Variants in IL6 observed in about 807,000 individuals in gnomAD.
The protein encoded by IL6 is interleukin 6.
In IL6, 5 loss-of-function variants were observed where a neutral mutation model predicts 18.0. That is an observed-to-expected ratio of 0.28 (90% CI 0.15 to 0.58). The LOEUF is 0.58. Among genes scored for constraint, IL6 ranks in the 20% least tolerant of loss-of-function variants. The pLI is 0.90. For synonymous variants in IL6, 97 were observed against 95.1 expected (o/e 1.02, Z -0.12); for missense variants, 266 against 251.0 (o/e 1.06, Z -0.40).
intron 4 of IL6, 109 bp downstream of exon 4, chr7:22,729,769 G>A (rs758370297): frequency 4.6e-5 from 72 of 1,581,508 alleles, no homozygotes; most frequent in Admixed American, 4.3e-4. Flanking sequence ...AAGGCTACAC[G>A]TAAACAAAAG....
chr7:22,727,205 G>A lies in IL6; in HGVS notation c.-58G>A. 1.3e-6 allele frequency: 2 copies of A among 1,597,986 alleles called. No individual in the cohort carries two copies. The highest frequency in any genetic ancestry group is 8.6e-7 in the Non-Finnish European group (1 of 1,167,406). The stretch of plus-strand genomic sequence containing the variant: ...ACTGGAGATGTCTGAGGCTCATTCT[G>A]CCCTCGAGCCCACCGGGAACGAAAG... On this transcript the variant is annotated 5_prime_UTR_variant, in exon 1 of 5. Coordinates refer to ENST00000258743, the MANE Select transcript of IL6 (RefSeq NM_000600.5).
chr7:22,729,332 G>C (rs530023485), intron 3 of IL6, among the ~76,000 whole-genome samples, 182 bp from the exon 4 acceptor site: 1 of 152,328 alleles, frequency 6.6e-6, no homozygotes, highest in African/African-American at 2.4e-5. Context: ...ATTACATGGG[G>C]CCTCTGATTG....
At position 22,727,620 on chromosome 7, in the gene IL6, G is replaced by A. The variant is rs1411480130; in HGVS notation, c.196G>A (p.Ala66Thr). Residue 66 changes from alanine to threonine, a missense_variant, in exon 2 of 5, where the codon GCC (alanine) becomes ACC (threonine). By Grantham distance (58) the Ala-to-Thr change is moderately conservative. Coordinates refer to ENST00000258743, the MANE Select transcript of IL6 (RefSeq NM_000600.5). ...QIRYILDGIS[A>T]LRKETCNKSN... ...TCGGTACATCCTCGACGGCATCTCAGCCCTGAGAAAGGAGGTGGGTAGGCT... is the reference window on the plus strand; with the variant it reads ...TCGGTACATCCTCGACGGCATCTCAACCCTGAGAAAGGAGGTGGGTAGGCT... 2 of 1,549,088 alleles carry A rather than the reference G, an allele frequency of 1.3e-6. No homozygotes were observed. Among genetic ancestry groups the A allele is most frequent in the African/African-American group, 1.4e-5 (1 of 72,850 alleles).
intron 4 of IL6, 44 bp downstream of exon 4, chr7:22,729,704 G>A: frequency 6.2e-7 from 1 of 1,613,896 alleles, no homozygotes; most frequent in Non-Finnish European, 8.5e-7. Context: ...GGGGAAGACA[G>A]GCTCAAAGAC....
At position 22,730,016 on chromosome 7, in the gene IL6, C is replaced by T. The variant is rs912773656; in HGVS notation, c.471+356C>T. On this transcript the variant is annotated intron_variant, in intron 4 of 4. Transcript: ENST00000258743. Reference sequence around the variant, plus strand: ...CCACAGAAACAAAGACCAAGGAGCACAAAATGATTTTAAGATTTTAGTCAT... The same window carrying T: ...CCACAGAAACAAAGACCAAGGAGCATAAAATGATTTTAAGATTTTAGTCAT... 3.0e-6 allele frequency: 3 copies of T among 985,248 alleles called. No homozygotes were observed. The Admixed American group carries it at 1.8e-4, about 61-fold the overall frequency. The allele number at this position is 985,248 out of a possible 1,614,324, so 61.0% of individuals were successfully genotyped here.
chr7:22,729,778 A>G (rs1218922558), intron 4 of IL6, 118 bp downstream of exon 4: 6 of 1,566,720 alleles, frequency 3.8e-6, no homozygotes, highest in Admixed American at 1.9e-5. Flanking sequence ...CGTAAACAAA[A>G]GAGTCTGAGA....
At chr7:22,729,690 T>C (rs1784088383) in intron 4 of IL6, 30 bp downstream of exon 4, 2 of 1,613,992 alleles carry the variant, frequency 1.2e-6, no homozygotes, top group Non-Finnish European at 1.7e-6. Flanking sequence ...CTCAACTTGG[T>C]GTGGGGGAAG....
chr7:22,729,418 G>A, intron 3 of IL6, 96 bp from the exon 4 acceptor site: 1 of 1,172,736 alleles, frequency 8.5e-7, no homozygotes, highest in Non-Finnish European at 1.2e-6. Flanking sequence ...CTCTAGAGGA[G>A]CAGAGGGAAA....
At position 22,731,493 on chromosome 7, in the gene IL6, C is replaced by G; in HGVS notation, c.559C>G (p.Gln187Glu). Residue 187 changes from glutamine to glutamate, a missense_variant, in exon 5 of 5, where the codon CAG becomes GAG. Gln to Glu is a conservative substitution (Grantham distance 29). Transcript: ENST00000258743. ...GCTGCAGGCACAGAACCAGTGGCTG[C>G]AGGACATGACAACTCATCTCATTCT... The part of the protein sequence containing the change: ...TKLQAQNQWL[Q>E]DMTTHLILRS... 1 of 1,609,396 alleles carries G rather than the reference C, an allele frequency of 6.2e-7. No homozygotes were observed. The highest frequency in any genetic ancestry group is 8.5e-7 in the Non-Finnish European group (1 of 1,176,586).
chr7:22,729,807 T>C, intron 4 of IL6, 147 bp downstream of exon 4: 1 of 1,532,986 alleles, frequency 6.5e-7, no homozygotes, highest in South Asian at 1.2e-5. Flanking sequence ...CTGATTGTTA[T>C]TGTTAAATCT....
chr7:22,730,090 C>G (rs1192201963), intron 4 of IL6: 2 of 985,216 alleles, frequency 2.0e-6, no homozygotes, highest in East Asian at 2.3e-4. Context: ...CTTTTTCCTA[C>G]CTTTTACCAG....
intron 4 of IL6, 77 bp from the exon 5 acceptor site, chr7:22,731,329 A>G (rs980623980): frequency 5.1e-6 from 6 of 1,185,986 alleles, no homozygotes; most frequent in Non-Finnish European, 7.0e-6. Flanking sequence ...ACATCATCCC[A>G]TAGCCCAGAG....
intron 4 of IL6, chr7:22,730,362 C>A: frequency 1.1e-6 from 1 of 884,602 alleles, no homozygotes; most frequent in Non-Finnish European, 1.4e-6. Context: ...TGGAGTCTGA[C>A]TTAGCAAGCC....
chr7:22,728,956 CA>C, intron 3 of IL6, 150 bp downstream of exon 3: 1 of 630,046 alleles, frequency 1.6e-6, no homozygotes, highest in Admixed American at 2.6e-5. Context: ...AGGCCAACTT[CA>C]AGCTTTTTTA....
At position 22,729,829 on chromosome 7, in the gene IL6, T is replaced by G. The variant is rs766623368; in HGVS notation, c.471+169T>G. Reference sequence around the variant, plus strand: ...TTATTGTTAAATCTTTTTTTGTTTGTTTGGTTGGTTGGCTCTCTTCTGCAA... The same window carrying G: ...TTATTGTTAAATCTTTTTTTGTTTGGTTGGTTGGTTGGCTCTCTTCTGCAA... On this transcript the variant is annotated intron_variant, in intron 4 of 4. Coordinates refer to ENST00000258743, the MANE Select transcript of IL6 (RefSeq NM_000600.5). 1.5e-5 allele frequency: 22 copies of G among 1,513,040 alleles called. 1 individual carries two copies. The highest frequency in any genetic ancestry group is 1.4e-5 in the African/African-American group (1 of 71,852). The allele number at this position is 1,513,040 out of a possible 1,614,324, so 93.7% of individuals were successfully genotyped here.
chr7:22,731,568 A>G lies in IL6; in HGVS notation c.634A>G (p.Met212Val), dbSNP rs1216572885. The G allele has an allele frequency of 6.3e-7, 1 of 1,597,712 alleles. No individual in the cohort carries two copies. Among genetic ancestry groups the G allele is most frequent in the Non-Finnish European group, 8.6e-7 (1 of 1,168,692 alleles). Residue 212 changes from methionine (M) to valine (V), a missense_variant, in exon 5 of 5, where the codon ATG becomes GTG. Coordinates refer to ENST00000258743, the MANE Select transcript of IL6 (RefSeq NM_000600.5). ...GTCCAGCCTGAGGGCTCTTCGGCAA[A>G]TGTAGCATGGGCACCTCAGATTGTT... ...LQSSLRALRQ[M>V]
intron 2 of IL6, 63 bp downstream of exon 2, chr7:22,727,697 T>C: frequency 1.3e-6 from 2 of 1,508,064 alleles, no homozygotes; most frequent in East Asian, 2.3e-5. Context: ...TGCCCCTGCG[T>C]GTGGCCGGGG....
intron 3 of IL6, among the ~76,000 whole-genome samples, chr7:22,729,106 C>T (rs1260614324): frequency 2.0e-5 from 3 of 152,236 alleles, no homozygotes; most frequent in African/African-American, 7.2e-5. Context: ...TTTTCCCTCT[C>T]TGGCTGCCCC....
In IL6 at chr7:22,731,602, T is replaced by C. The variant is rs1296362992; in HGVS notation, c.*29T>C. ...GGGCACCTCAGATTGTTGTTGTTAATGGGCATTCCTTCTTCTGGTCAGAAA... is the reference window on the plus strand; with the variant it reads ...GGGCACCTCAGATTGTTGTTGTTAACGGGCATTCCTTCTTCTGGTCAGAAA... On this transcript the variant is annotated 3_prime_UTR_variant, in exon 5 of 5. Transcript: ENST00000258743. The C allele has an allele frequency of 4.6e-6, 7 of 1,535,530 alleles. No individual in the cohort carries two copies. The highest frequency in any genetic ancestry group is 6.2e-6 in the Non-Finnish European group (7 of 1,128,852).
Sources: allele counts gnomAD v4.1 joint callset (sites outside exome capture counted in the v4.1 genomes callset), GRCh38; gene constraint gnomAD v4.1.1; transcripts MANE v1.5; gene names NCBI Gene and HGNC (gene_info 2026-07-23, HGNC 2026-07-21).